DTNB: variants seen among roughly 807,000 people sequenced by gnomAD.
DTNB encodes dystrobrevin beta, also known as DTN-B.
DTNB carries 63 observed loss-of-function variants against 90.7 expected under a neutral mutation model. The observed-to-expected ratio is 0.69, with a 90% CI of 0.57 to 0.86. The LOEUF (loss-of-function observed/expected upper bound fraction) is 0.86, where lower values mean the gene tolerates loss of function less well. Among genes scored for constraint, DTNB ranks in the 40% least tolerant of loss-of-function variants. The pLI is 0.00. For missense variants in DTNB, 744 were observed against 807.1 expected (o/e 0.92, Z 0.95); for synonymous variants, 277 against 286.7 (o/e 0.97, Z 0.34).
Position 25,651,798 on chromosome 2 carries a change from C to T in DTNB, c.67+796G>A, listed in dbSNP as rs117785792. Among the ~76,000 whole-genome samples, 77 of 152,312 alleles carry T rather than the reference C, an allele frequency of 5.1e-4. 1 individual carries two copies. The East Asian group carries it at 0.014, about 28-fold the overall frequency. On this transcript the variant is annotated intron_variant, in intron 2 of 20. Coordinates refer to ENST00000406818, the MANE Select transcript of DTNB (RefSeq NM_021907.5). ...GACCTCAGAGGCTATCCCAGGCTGG[C>T]TCCCCTCTCCTGCTTCAACCAAGCA...
At chr2:25,482,649 G>C in intron 10 of DTNB, 147 bp downstream of exon 10, 1 of 760,110 alleles carries the variant, frequency 1.3e-6, no homozygotes, top group Non-Finnish European at 2.2e-6. Context: ...TAGAAATTAA[G>C]ACTAAAAGAC....
intron 8 of DTNB, among the ~76,000 whole-genome samples, chr2:25,573,634 C>T (rs2060209772): frequency 1.3e-5 from 2 of 152,164 alleles, no homozygotes; most frequent in Non-Finnish European, 2.9e-5. Flanking sequence ...TGATCTTTTC[C>T]AACACTTGAC....
intron 1 of DTNB, among the ~76,000 whole-genome samples, chr2:25,667,259 C>G (rs981973078): frequency 1.3e-5 from 2 of 152,064 alleles, no homozygotes; most frequent in Non-Finnish European, 2.9e-5. Context: ...GAGGCTGTGG[C>G]AGGCGAATCA....
Position 25,463,390 on chromosome 2 carries a change from A to G in DTNB, c.1080-7896T>C, listed in dbSNP as rs184142979. On this transcript the variant is annotated intron_variant, in intron 10 of 20. Transcript: ENST00000406818. ...GACTTCTCCTGAGCAACTTCTTAGG[A>G]GTTCTCGCTTACACTGCCCCAATAG... Among the ~76,000 whole-genome samples, 466 of 152,262 alleles carry G rather than the reference A, an allele frequency of 3.1e-3. 4 individuals carry two copies. The highest frequency in any genetic ancestry group is 4.1e-3 in the Admixed American group (63 of 15,288).
At chr2:25,404,702 A>G (rs370071807) in intron 16 of DTNB, among the ~76,000 whole-genome samples, 40 of 152,168 alleles carry the variant, frequency 2.6e-4, no homozygotes, top group African/African-American at 9.2e-4. Flanking sequence ...TAAAAATACA[A>G]AAATTAGCCA....
At chr2:25,386,211 A>G in intron 18 of DTNB, 1 of 694,130 alleles carries the variant, frequency 1.4e-6, no homozygotes, top group Non-Finnish European at 1.8e-6. Context: ...TTTGGTCTGT[A>G]TGAAAACAGG....
chr2:25,644,524 G>C (rs1158390313), intron 2 of DTNB, among the ~76,000 whole-genome samples: 4 of 152,158 alleles, frequency 2.6e-5, no homozygotes, highest in Admixed American at 1.3e-4. Flanking sequence ...GGGAGCCCAA[G>C]GCAGCTGAAT....
chr2:25,672,568 G>T (rs2086272779), intron 1 of DTNB, among the ~76,000 whole-genome samples: 1 of 152,066 alleles, frequency 6.6e-6, no homozygotes. Flanking sequence ...TGACCTTTCT[G>T]CTTTATCCCC....
chr2:25,487,209 C>G (rs2066388918), intron 9 of DTNB, among the ~76,000 whole-genome samples: 2 of 152,134 alleles, frequency 1.3e-5, no homozygotes, highest in African/African-American at 4.8e-5. Context: ...ATCACAATGC[C>G]ATGTAATGAG....
chr2:25,507,693 C>T (rs961141567), intron 9 of DTNB, among the ~76,000 whole-genome samples: 1 of 152,186 alleles, frequency 6.6e-6, no homozygotes, highest in Non-Finnish European at 1.5e-5. Flanking sequence ...CTATTCTCTA[C>T]AGCGGCCAGA....
intron 4 of DTNB, among the ~76,000 whole-genome samples, chr2:25,617,197 A>T (rs1296015398): frequency 2.0e-5 from 3 of 152,206 alleles, no homozygotes; most frequent in Non-Finnish European, 4.4e-5. Flanking sequence ...GTCAGGGGAT[A>T]TGCACCAAAG....
intron 9 of DTNB, among the ~76,000 whole-genome samples, chr2:25,522,186 C>A (rs76770376): frequency 1.3e-5 from 2 of 152,180 alleles, no homozygotes; most frequent in South Asian, 2.1e-4. Flanking sequence ...AGTGCTGATA[C>A]GTGAATTGGC....
At chr2:25,491,156 CAG>C (rs2067351103) in intron 9 of DTNB, among the ~76,000 whole-genome samples, 2 of 132,388 alleles carry the variant, frequency 1.5e-5, no homozygotes, top group South Asian at 4.8e-4. Context: ...CACACACACA[CAG>C]ACACACACAC....
intron 4 of DTNB, among the ~76,000 whole-genome samples, chr2:25,622,677 GT>G (rs1196185216): frequency 6.6e-6 from 1 of 152,062 alleles, no homozygotes; most frequent in Non-Finnish European, 1.5e-5. Flanking sequence ...ACATGTCCAA[GT>G]TCTGCCCACA....
At chr2:25,613,311 T>A (rs1461492961) in intron 4 of DTNB, among the ~76,000 whole-genome samples, 2 of 152,158 alleles carry the variant, frequency 1.3e-5, no homozygotes, top group Non-Finnish European at 2.9e-5. Flanking sequence ...TATTGCGTGA[T>A]GCTGAGGTTT....
rs574278074 is a variant in DTNB at position 25,544,470 on chromosome 2, T to G, written c.877-12873A>C. On this transcript the variant is annotated intron_variant, in intron 8 of 20. Coordinates refer to ENST00000406818, the MANE Select transcript of DTNB (RefSeq NM_021907.5). ...ATGGAAAAAGCTCAGGATTGGTGAC[T>G]TTGAGGCCATTCCTGTCATTTTCAC... Among the ~76,000 whole-genome samples the G allele has an allele frequency of 2.6e-5, 4 of 152,304 alleles. No individual in the cohort carries two copies. In the South Asian group the frequency reaches 8.3e-4, roughly 32 times the overall value.
chr2:25,627,187 C>A (rs543609941), intron 4 of DTNB, among the ~76,000 whole-genome samples: 2 of 152,086 alleles, frequency 1.3e-5, no homozygotes, highest in Non-Finnish European at 2.9e-5. Flanking sequence ...CCAAGGTGGG[C>A]GGATCACCTG....
At chr2:25,576,219 TTG>T (rs1172939346) in intron 8 of DTNB, among the ~76,000 whole-genome samples, 6 of 148,478 alleles carry the variant, frequency 4.0e-5, no homozygotes, top group African/African-American at 1.0e-4. Context: ...TTGAACAGTT[TTG>T]TTTTTTTTTT....
At chr2:25,478,109 T>G (rs1317540112) in intron 10 of DTNB, among the ~76,000 whole-genome samples, 1 of 152,204 alleles carries the variant, frequency 6.6e-6, no homozygotes, top group Non-Finnish European at 1.5e-5. Flanking sequence ...CCATGCTATC[T>G]GTTACTTTCC....
Sources: allele counts gnomAD v4.1 joint callset (sites outside exome capture counted in the v4.1 genomes callset), GRCh38; gene constraint gnomAD v4.1.1; transcripts MANE v1.5; gene names NCBI Gene and HGNC (gene_info 2026-07-23, HGNC 2026-07-21).